Variants in TRPC7 observed in about 807,000 individuals in gnomAD.
TRPC7 encodes transient receptor potential cation channel subfamily C member 7, also known as short transient receptor potential channel 7.
Under a neutral mutation model 90.1 loss-of-function variants are expected in TRPC7, and 42 were observed. The observed-to-expected ratio is 0.47, with a 90% CI of 0.36 to 0.60. The LOEUF is 0.60. Ranked by LOEUF, TRPC7 falls within the 20% of genes least tolerant of loss-of-function variation. TRPC7 has a pLI of 0.00. For missense variants in TRPC7, 955 were observed against 1,112.3 expected (o/e 0.86, Z 2.01); for synonymous variants, 451 against 436.3 (o/e 1.03, Z -0.42).
chr5:136,216,169 T>G (rs774197984), intron 11 of TRPC7, 31 bp downstream of exon 11: 4 of 1,582,840 alleles, frequency 2.5e-6, no homozygotes, highest in Non-Finnish European at 3.5e-6. Context: ...TTGTTTTAAA[T>G]CACCACGTGG....
chr5:136,318,193 AC>A (rs1468888091), intron 2 of TRPC7, among the ~76,000 whole-genome samples: 1 of 152,166 alleles, frequency 6.6e-6, no homozygotes, highest in Non-Finnish European at 1.5e-5. Flanking sequence ...ATTGAGCCAA[AC>A]CTGAGCTCAA....
chr5:136,224,974 T>C (rs920028336), intron 10 of TRPC7, among the ~76,000 whole-genome samples: 1 of 152,226 alleles, frequency 6.6e-6, no homozygotes, highest in African/African-American at 2.4e-5. Flanking sequence ...TTTTGAGTCC[T>C]CCTGTTTGCT....
At chr5:136,215,400 A>G (rs1053907550) in intron 11 of TRPC7, among the ~76,000 whole-genome samples, 1 of 152,160 alleles carries the variant, frequency 6.6e-6, no homozygotes, top group Admixed American at 6.5e-5. Flanking sequence ...TGTGGGAAAC[A>G]TGACTGTTTC....
Position 136,247,263 on chromosome 5 carries a change from G to A in TRPC7, c.1844+208C>T, listed in dbSNP as rs962224459. Among the ~76,000 whole-genome samples, 12 of 151,686 alleles carry A rather than the reference G, an allele frequency of 7.9e-5. No homozygotes were observed. Among genetic ancestry groups the A allele is most frequent in the African/African-American group, 2.9e-4 (12 of 41,340 alleles). On this transcript the variant is annotated intron_variant, in intron 7 of 11. Coordinates refer to ENST00000513104, the MANE Select transcript of TRPC7 (RefSeq NM_020389.3). This position sits in a 1 kb window ranked among gnomAD's most constrained non-coding sequence, Gnocchi z 4.2. ...AAATGGGAACATGCTCTGGTCACAC[G>A]AAATGTAAGTGGCAAAGTGAGGATT...
chr5:136,228,877 G>A (rs1024328259), intron 8 of TRPC7, among the ~76,000 whole-genome samples: 2 of 152,130 alleles, frequency 1.3e-5, no homozygotes, highest in Admixed American at 6.5e-5. Flanking sequence ...TGCATGTCGC[G>A]GCCCCTTTCC....
At position 136,362,713 on chromosome 5, in the gene TRPC7, G is replaced by A. The variant is rs2149865742; in HGVS notation, c.2+2540C>T. Among the ~76,000 whole-genome samples the A allele has an allele frequency of 2.0e-5, 3 of 152,216 alleles. No homozygotes were observed. In the Middle Eastern group the frequency reaches 0.01, roughly 518 times the overall value. Reference sequence around the variant, plus strand: ...CTTTGAAAGTTTGTGCTTTTGGCTAGTATGCCACTGCCAGCCATCTTCTTT... The same window carrying A: ...CTTTGAAAGTTTGTGCTTTTGGCTAATATGCCACTGCCAGCCATCTTCTTT... On this transcript the variant is annotated intron_variant, in intron 1 of 11. Transcript: ENST00000513104.
In TRPC7 at chr5:136,236,113, G is replaced by C. The variant is rs957569821; in HGVS notation, c.1845-4564C>G. ...TATTATTTTGATTCATATATTTATT[G>C]AACTATGTGCCAGGCACCGTACCAG... On this transcript the variant is annotated intron_variant, in intron 7 of 11. Transcript: ENST00000513104. Among the ~76,000 whole-genome samples, 7 of 152,278 alleles carry C rather than the reference G, an allele frequency of 4.6e-5. No individual in the cohort carries two copies. The South Asian group carries it at 1.5e-3, about 32-fold the overall frequency.
At chr5:136,255,228 A>C (rs1384377247) in intron 5 of TRPC7, among the ~76,000 whole-genome samples, 1 of 152,214 alleles carries the variant, frequency 6.6e-6, no homozygotes, top group Non-Finnish European at 1.5e-5. Context: ...AAGAAGTTCT[A>C]CTTTGGGTCA....
At chr5:136,251,992 G>C (rs555116622) in intron 5 of TRPC7, 110 bp from the exon 6 acceptor site, 10 of 860,798 alleles carry the variant, frequency 1.2e-5, no homozygotes, top group Non-Finnish European at 1.8e-5. Context: ...GCTCTTTGGA[G>C]CTGGGACCGT....
intron 7 of TRPC7, among the ~76,000 whole-genome samples, chr5:136,239,743 C>T (rs1007957251): frequency 6.6e-6 from 1 of 152,236 alleles, no homozygotes; most frequent in African/African-American, 2.4e-5. Context: ...GCCTCCCAGG[C>T]GATCTATCTA....
intron 4 of TRPC7, among the ~76,000 whole-genome samples, chr5:136,268,290 T>C (rs114558189): frequency 0.013 from 1,913 of 151,980 alleles, 42 homozygotes; most frequent in African/African-American, 0.044. Flanking sequence ...TGAGAGGTGA[T>C]GGGAGATGGA....
At chr5:136,262,638 T>G (rs1756895406) in intron 5 of TRPC7, among the ~76,000 whole-genome samples, 1 of 152,222 alleles carries the variant, frequency 6.6e-6, no homozygotes, top group South Asian at 2.1e-4. Context: ...TGATTCTCTT[T>G]TAGGAAAAGT....
chr5:136,339,689 C>A (rs1686468586), intron 2 of TRPC7, among the ~76,000 whole-genome samples: 1 of 152,232 alleles, frequency 6.6e-6, no homozygotes, highest in Middle Eastern at 3.4e-3. Context: ...ATGATTTCAT[C>A]CCCAACCTAT....
chr5:136,325,376 G>A (rs1008563046), intron 2 of TRPC7, among the ~76,000 whole-genome samples: 1 of 152,176 alleles, frequency 6.6e-6, no homozygotes, highest in African/African-American at 2.4e-5. Flanking sequence ...AAAAGTAGCT[G>A]ATGTGAGAAG....
intron 7 of TRPC7, 119 bp from the exon 8 acceptor site, chr5:136,231,668 A>C: frequency 1.1e-6 from 1 of 922,426 alleles, no homozygotes; most frequent in Non-Finnish European, 1.6e-6. Context: ...GCAGTGGCTC[A>C]ATCATGGCTC....
chr5:136,302,266 G>C (rs1181302687), intron 3 of TRPC7, among the ~76,000 whole-genome samples: 1 of 152,194 alleles, frequency 6.6e-6, no homozygotes, highest in Non-Finnish European at 1.5e-5. Context: ...GCCTGCCTTG[G>C]TCCTTCACCC....
At chr5:136,320,917 G>T (rs1178449979) in intron 2 of TRPC7, among the ~76,000 whole-genome samples, 1 of 152,072 alleles carries the variant, frequency 6.6e-6, no homozygotes, top group Non-Finnish European at 1.5e-5. Flanking sequence ...ATGACTGCCT[G>T]ATGTACTATA....
In TRPC7 at chr5:136,357,285, C is replaced by G. The variant is rs1760421123; in HGVS notation, c.103G>C (p.Glu35Gln). Residue 35 changes from glutamate to glutamine, a missense_variant, in exon 2 of 12, where the codon GAG (glutamate) becomes CAG (glutamine). Physicochemically the swap from Glu to Gln is conservative, Grantham distance 29. This residue lies in a region of TRPC7 where 161 missense variants were observed against 145.7 expected (regional missense o/e 1.10). Transcript: ENST00000513104. Reference protein sequence around the residue: ...AIRGPAYMFNEKGTSLTPEEE... With the variant: ...AIRGPAYMFNQKGTSLTPEEE... ...TCGGGCGTCAGACTGGTGCCCTTCT[C>G]GTTGAACATGTAGGCGGGACCCCGG... The G allele has an allele frequency of 6.2e-7, 1 of 1,612,698 alleles. No individual in the cohort carries two copies. The highest frequency in any genetic ancestry group is 1.3e-5 in the African/African-American group (1 of 74,922).
At chr5:136,357,448 A>T in intron 1 of TRPC7, 63 bp from the exon 2 acceptor site, 1 of 1,481,960 alleles carries the variant, frequency 6.7e-7, no homozygotes, top group South Asian at 1.3e-5. Flanking sequence ...TAGAGCACAC[A>T]AAAATGGTTG....
Sources: gnomAD v4.1 joint callset for allele counts (sites outside exome capture counted in the v4.1 genomes callset) on GRCh38, gnomAD v4.1.1 for gene constraint, gnomAD v4.1.1 regional missense constraint, Gnocchi (gnomAD v3.1) non-coding constraint, MANE v1.5 for transcripts, NCBI Gene and HGNC (gene_info 2026-07-23, HGNC 2026-07-21) for gene names.